Variants in FAF1 observed in about 807,000 individuals in gnomAD.
FAF1 encodes the protein Fas associated factor 1.
In FAF1, 25 loss-of-function variants were observed where a neutral mutation model predicts 92.5. The ratio of observed to expected loss-of-function variants is 0.27; its 90% CI spans 0.20 to 0.38. The LOEUF (loss-of-function observed/expected upper bound fraction) is 0.38, where lower values mean the gene tolerates loss of function less well. FAF1 is among the 10% of genes least tolerant of loss of function. The probability of loss-of-function intolerance (pLI) is 1.00; values close to 1 mark genes in which losing one functional copy is unlikely to be tolerated. For missense variants in FAF1, 636 were observed against 793.3 expected, an observed-to-expected ratio of 0.80 and a Z score of 2.38; for synonymous variants, 234 against 273.2, an observed-to-expected ratio of 0.86 and a Z score of 1.42.
At chr1:50,853,561 T>C (rs1041142293) in intron 2 of FAF1, among the ~76,000 whole-genome samples, 1 of 152,034 alleles carries the variant, frequency 6.6e-6, no homozygotes, top group African/African-American at 2.4e-5. Flanking sequence ...ACAGCAGAAA[T>C]TGAGTGCAAA....
intron 18 of FAF1, among the ~76,000 whole-genome samples, chr1:50,449,611 T>A (rs1557949294): frequency 2.0e-5 from 3 of 149,518 alleles, no homozygotes; most frequent in Non-Finnish European, 4.4e-5. Context: ...TACCTCAGCC[T>A]CCCAAATAGT....
At chr1:50,685,822 G>A (rs1031310965) in intron 7 of FAF1, among the ~76,000 whole-genome samples, 2 of 152,100 alleles carry the variant, frequency 1.3e-5, no homozygotes, top group African/African-American at 4.8e-5. Context: ...AATTTTCAAG[G>A]TCAGTAACTA....
At position 50,582,606 on chromosome 1, in the gene FAF1, A is replaced by C. The variant is rs1265168666; in HGVS notation, c.1113+12T>G. 6.3e-7 allele frequency: 1 copy of C among 1,584,696 alleles called. No homozygotes were observed. The highest frequency in any genetic ancestry group is 1.1e-5 in the South Asian group (1 of 90,434). On this transcript the variant is annotated intron_variant, in intron 12 of 18. Coordinates refer to ENST00000396153, the MANE Select transcript of FAF1 (RefSeq NM_007051.3). ...TGCACTTTTTAATCAGAAAAGGTCAAACTGTACTTACATCTCGGGCTTTCA... is the reference window on the plus strand; with the variant it reads ...TGCACTTTTTAATCAGAAAAGGTCACACTGTACTTACATCTCGGGCTTTCA...
intron 1 of FAF1, among the ~76,000 whole-genome samples, chr1:50,861,081 T>A (rs1644428454): frequency 6.6e-6 from 1 of 151,722 alleles, no homozygotes; most frequent in African/African-American, 2.4e-5. Context: ...ACTACTAGAA[T>A]GGGGAGAGAG....
chr1:50,891,794 A>G (rs984863874), intron 1 of FAF1, among the ~76,000 whole-genome samples: 2 of 152,182 alleles, frequency 1.3e-5, no homozygotes, highest in African/African-American at 4.8e-5. Context: ...CAGTTAGGCT[A>G]CTCAGGGGTG....
At chr1:50,763,227 C>T (rs886163497) in intron 4 of FAF1, among the ~76,000 whole-genome samples, 1 of 152,056 alleles carries the variant, frequency 6.6e-6, no homozygotes, top group Admixed American at 6.6e-5. Flanking sequence ...CACTGCACTC[C>T]AACCTGGGTG....
intron 1 of FAF1, among the ~76,000 whole-genome samples, chr1:50,869,431 T>C (rs1460623006): frequency 6.6e-6 from 1 of 152,148 alleles, no homozygotes; most frequent in African/African-American, 2.4e-5. Context: ...TGGTGGCTTT[T>C]AGTGCTTATT....
rs201107021 is a variant in FAF1, at chr1:50,689,583, G to GA, written c.657+16202dup. Among the ~76,000 whole-genome samples the GA allele has an allele frequency of 9.9e-3, 1,494 of 151,160 alleles. 21 individuals carry two copies. The highest frequency in any genetic ancestry group is 0.034 in the African/African-American group (1,413 of 41,206). On this transcript the variant is annotated intron_variant, in intron 7 of 18. Coordinates refer to ENST00000396153, the MANE Select transcript of FAF1 (RefSeq NM_007051.3). Reference sequence around the variant, plus strand: ...TGGGCGACAGAGCGAGACTCCGTCTGAAAAAAAACAAAAAACAAAACAAAA... The same window carrying GA: ...TGGGCGACAGAGCGAGACTCCGTCTGAAAAAAAAACAAAAAACAAAACAAAA...
chr1:50,652,621 T>C (rs546531002), intron 8 of FAF1, among the ~76,000 whole-genome samples: 2 of 152,318 alleles, frequency 1.3e-5, no homozygotes, highest in South Asian at 2.1e-4. Context: ...AATTTTCAAA[T>C]ATATACAAAA....
rs142939668 is a variant in FAF1, at chr1:50,473,054, T to A, written c.1869+2410A>T. Among the ~76,000 whole-genome samples the A allele has an allele frequency of 2.6e-4, 40 of 152,290 alleles. No homozygotes were observed. In the East Asian group the frequency reaches 7.3e-3, roughly 28 times the overall value. On this transcript the variant is annotated intron_variant, in intron 18 of 18. Transcript: ENST00000396153. ...CTCTGTTCATTCTGGAACCAGAGATTAGGGGAGCCTGAGGTTATTAACATT... is the reference window on the plus strand; with the variant it reads ...CTCTGTTCATTCTGGAACCAGAGATAAGGGGAGCCTGAGGTTATTAACATT...
intron 1 of FAF1, among the ~76,000 whole-genome samples, chr1:50,944,347 G>T (rs1283833549): frequency 6.6e-6 from 1 of 152,046 alleles, no homozygotes; most frequent in East Asian, 2.0e-4. Flanking sequence ...TATGAGGAAG[G>T]CTTCAAGGGC....
chr1:50,935,395 G>T (rs1175720153), intron 1 of FAF1, among the ~76,000 whole-genome samples: 1 of 151,984 alleles, frequency 6.6e-6, no homozygotes, highest in Non-Finnish European at 1.5e-5. Flanking sequence ...TCCCAGGCTG[G>T]TCTCAAACTC....
chr1:50,690,887 T>A (rs1656891182), intron 7 of FAF1, among the ~76,000 whole-genome samples: 1 of 152,254 alleles, frequency 6.6e-6, no homozygotes, highest in South Asian at 2.1e-4. Flanking sequence ...TAAGGTTCAT[T>A]AACATTGTCA....
intron 6 of FAF1, among the ~76,000 whole-genome samples, chr1:50,714,015 C>A (rs1430051782): frequency 6.6e-6 from 1 of 151,440 alleles, no homozygotes; most frequent in Non-Finnish European, 1.5e-5. Flanking sequence ...TCGTGATCCA[C>A]CCGCCTCTGC....
chr1:50,860,057 A>T (rs1298638393), intron 1 of FAF1, among the ~76,000 whole-genome samples: 1 of 151,984 alleles, frequency 6.6e-6, no homozygotes, highest in Non-Finnish European at 1.5e-5. Context: ...ACCCATGTAC[A>T]GAAGAATGAC....
intron 18 of FAF1, chr1:50,452,238 C>T (rs1646302226): frequency 1.8e-6 from 2 of 1,087,554 alleles, no homozygotes; most frequent in African/African-American, 1.6e-5. Context: ...TCCCGCTTTA[C>T]AGAACAATTT....
At chr1:50,794,705 C>T (rs1477405415) in intron 3 of FAF1, among the ~76,000 whole-genome samples, 1 of 152,124 alleles carries the variant, frequency 6.6e-6, no homozygotes, top group Non-Finnish European at 1.5e-5. Context: ...CTCACTGCAA[C>T]CTCTGCCTCC....
intron 2 of FAF1, among the ~76,000 whole-genome samples, chr1:50,818,842 CA>C (rs879840815): frequency 2.4e-3 from 328 of 136,846 alleles, no homozygotes; most frequent in Admixed American, 3.1e-3. Flanking sequence ...ATCCCCCCAC[CA>C]AAAAAAAAAA....
chr1:50,534,507 T>C (rs1557984767), intron 15 of FAF1, among the ~76,000 whole-genome samples: 1 of 152,074 alleles, frequency 6.6e-6, no homozygotes, highest in Non-Finnish European at 1.5e-5. Flanking sequence ...AGTCTTGAAC[T>C]CAGTGATCGA....
Sources: gnomAD v4.1 joint callset for allele counts (sites outside exome capture counted in the v4.1 genomes callset) on GRCh38, gnomAD v4.1.1 for gene constraint, MANE v1.5 for transcripts, NCBI Gene and HGNC (gene_info 2026-07-23, HGNC 2026-07-21) for gene names.